INTS9: variants seen among roughly 807,000 people sequenced by gnomAD.
INTS9 encodes integrator complex subunit 9, also known as protein related to CPSF subunits of 74 kDa.
A neutral mutation model predicts 79.7 loss-of-function variants in INTS9; 55 were observed. The ratio of observed to expected loss-of-function variants is 0.69; its 90% CI spans 0.56 to 0.86. INTS9 has a LOEUF of 0.86. Among genes scored for constraint, INTS9 ranks in the 40% least tolerant of loss-of-function variants. The pLI, the probability that INTS9 is intolerant of heterozygous loss-of-function variation, is 0.00. For synonymous variants in INTS9, 319 were observed against 325.2 expected, an observed-to-expected ratio of 0.98 and a Z score of 0.20; for missense variants, 721 against 831.5, an observed-to-expected ratio of 0.87 and a Z score of 1.64.
chr8:28,875,357 A>G (rs925231986), intron 1 of INTS9, among the ~76,000 whole-genome samples: 1 of 152,250 alleles, frequency 6.6e-6, no homozygotes, highest in African/African-American at 2.4e-5. Context: ...AATTATTTTT[A>G]CTTTAACTGT....
Position 28,779,618 on chromosome 8 carries a change from C to T in INTS9, c.1270+1205G>A, listed in dbSNP as rs542165004. Among the ~76,000 whole-genome samples, 11 of 152,312 alleles carry T rather than the reference C, an allele frequency of 7.2e-5. No homozygotes were observed. In the South Asian group the frequency reaches 1.7e-3, roughly 23 times the overall value. ...ATCGCAGAATGACCCTGCATCCTGA[C>T]GCCACCCAATACAGGGTGACGCCTC... On this transcript the variant is annotated intron_variant, in intron 12 of 16. Transcript: ENST00000521022.
intron 8 of INTS9, among the ~76,000 whole-genome samples, chr8:28,804,480 A>G (rs1357881798): frequency 7.1e-6 from 1 of 141,498 alleles, no homozygotes; most frequent in Non-Finnish European, 1.6e-5. Context: ...CCCCTGCATG[A>G]GGAAGGAAAT....
intron 9 of INTS9, among the ~76,000 whole-genome samples, chr8:28,795,716 T>C (rs1804179556): frequency 6.7e-6 from 1 of 148,872 alleles, no homozygotes; most frequent in Non-Finnish European, 1.5e-5. Flanking sequence ...ATGAGGACAC[T>C]GCAAGATGGC....
Position 28,785,740 on chromosome 8 carries a change from G to A in INTS9, c.1098+2089C>T, listed in dbSNP as rs114103957. 4.0e-3 allele frequency among the ~76,000 whole-genome samples: 611 copies of A among 152,272 alleles called. 1 individual carries two copies. The highest frequency in any genetic ancestry group is 0.014 in the African/African-American group (591 of 41,546). On this transcript the variant is annotated intron_variant, in intron 11 of 16. Coordinates refer to ENST00000521022, the MANE Select transcript of INTS9 (RefSeq NM_018250.4). ...CCAGGCCCTCTGTGTGGCCAGAGCT[G>A]GAAGATACGTATGTGCACAGACACA...
intron 1 of INTS9, among the ~76,000 whole-genome samples, chr8:28,885,447 T>C (rs1216773945): frequency 1.3e-5 from 2 of 152,196 alleles, no homozygotes; most frequent in African/African-American, 4.8e-5. Context: ...AATAATTCCA[T>C]GTCACAGGGG....
chr8:28,883,128 A>T (rs893471563), intron 1 of INTS9, among the ~76,000 whole-genome samples: 4 of 151,826 alleles, frequency 2.6e-5, no homozygotes, highest in African/African-American at 7.3e-5. Context: ...CTTTCTGGGG[A>T]GTATAGGGGA....
At chr8:28,770,927 G>T in intron 15 of INTS9, 55 bp downstream of exon 15, 1 of 1,199,670 alleles carries the variant, frequency 8.3e-7, no homozygotes, top group Non-Finnish European at 1.2e-6. Flanking sequence ...CTGTTAGGTG[G>T]TCTGGTTTCT....
At chr8:28,865,796 C>T (rs962415339) in intron 1 of INTS9, among the ~76,000 whole-genome samples, 2 of 152,098 alleles carry the variant, frequency 1.3e-5, no homozygotes, top group African/African-American at 4.8e-5. Context: ...ACACATAACT[C>T]GTCTTTCACA....
chr8:28,804,321 G>C (rs1804682401), intron 8 of INTS9, among the ~76,000 whole-genome samples: 2 of 152,196 alleles, frequency 1.3e-5, no homozygotes, highest in African/African-American at 4.8e-5. Flanking sequence ...ATAAATTCCT[G>C]GGGAAACTAG....
chr8:28,816,330 G>A, intron 6 of INTS9, among the ~76,000 whole-genome samples: 1 of 122,324 alleles, frequency 8.2e-6, no homozygotes, highest in Non-Finnish European at 1.6e-5. Flanking sequence ...AGTCCCCAGA[G>A]TGTGATGTTC....
At chr8:28,872,850 G>C (rs1809169562) in intron 1 of INTS9, among the ~76,000 whole-genome samples, 1 of 152,190 alleles carries the variant, frequency 6.6e-6, no homozygotes, top group African/African-American at 2.4e-5. Context: ...CTGTCACTCA[G>C]AGCTGAATCT....
At chr8:28,870,921 T>G (rs1194091199) in intron 1 of INTS9, among the ~76,000 whole-genome samples, 1 of 152,206 alleles carries the variant, frequency 6.6e-6, no homozygotes, top group Non-Finnish European at 1.5e-5. Context: ...TACACCCCTT[T>G]AGTCACTTCA....
intron 4 of INTS9, among the ~76,000 whole-genome samples, chr8:28,838,456 T>C (rs1463813218): frequency 6.6e-6 from 1 of 152,074 alleles, no homozygotes; most frequent in South Asian, 2.1e-4. Context: ...TATCCAAGTT[T>C]GGGTAAATTT....
At chr8:28,824,473 A>G (rs1478703985) in intron 6 of INTS9, among the ~76,000 whole-genome samples, 3 of 152,158 alleles carry the variant, frequency 2.0e-5, no homozygotes, top group Non-Finnish European at 2.9e-5. Flanking sequence ...TCTGTCTTCT[A>G]CATTTTGAGT....
chr8:28,883,992 A>T (rs541807875), intron 1 of INTS9, among the ~76,000 whole-genome samples: 3 of 152,250 alleles, frequency 2.0e-5, no homozygotes, highest in East Asian at 3.9e-4. Flanking sequence ...GGATATGAGT[A>T]CTCAGAGCAA....
In INTS9 at chr8:28,783,077, G is replaced by A. The variant is rs978458364; in HGVS notation, c.1099-2083C>T. On this transcript the variant is annotated intron_variant, in intron 11 of 16. Transcript: ENST00000521022. The stretch of plus-strand genomic sequence containing the variant: ...GGAGAATGGCATGAACCCAGGAGGC[G>A]GAGCTTGCAGTGAGCCGAGATGGCG... 1.7e-4 allele frequency among the ~76,000 whole-genome samples: 26 copies of A among 149,716 alleles called. No individual in the cohort carries two copies. The Admixed American group carries it at 1.7e-3, about 10-fold the overall frequency.
At chr8:28,841,019 T>G (rs1157148613) in intron 4 of INTS9, among the ~76,000 whole-genome samples, 10 of 150,004 alleles carry the variant, frequency 6.7e-5, no homozygotes, top group Admixed American at 6.6e-4. Context: ...GAGGGTGCCA[T>G]TCTGGCTATG....
rs7835394 is a variant in INTS9, at chr8:28,779,669, C to T, written c.1270+1154G>A. On this transcript the variant is annotated intron_variant, in intron 12 of 16. Coordinates refer to ENST00000521022, the MANE Select transcript of INTS9 (RefSeq NM_018250.4). ...ACCTCCGCGAACACCTGCGCATCAC[C>T]GAACACCAGCCGGAGTCCTGCAAGG... Among the ~76,000 whole-genome samples, 666 of 152,332 alleles carry T rather than the reference C, an allele frequency of 4.4e-3. 2 individuals carry two copies. The highest frequency in any genetic ancestry group is 0.015 in the African/African-American group (619 of 41,578).
At chr8:28,828,808 C>T (rs1416023900) in intron 6 of INTS9, among the ~76,000 whole-genome samples, 1 of 152,046 alleles carries the variant, frequency 6.6e-6, no homozygotes, top group South Asian at 2.1e-4. Context: ...AAGCGATTCT[C>T]CTGCCTCAGC....
Sources: gnomAD v4.1 joint callset for allele counts (sites outside exome capture counted in the v4.1 genomes callset) on GRCh38, gnomAD v4.1.1 for gene constraint, MANE v1.5 for transcripts, NCBI Gene and HGNC (gene_info 2026-07-23, HGNC 2026-07-21) for gene names.